The following TBX19 variants were observed in gnomAD, a reference collection of about 807,000 sequenced individuals.
TBX19 encodes T-box transcription factor TBX19.
TBX19 carries 33 observed loss-of-function variants against 40.9 expected under a neutral mutation model. The observed-to-expected ratio is 0.81, with a 90% CI of 0.61 to 1.08. The LOEUF (loss-of-function observed/expected upper bound fraction) is 1.08, where lower values mean the gene tolerates loss of function less well. TBX19 is among the 50% of genes least tolerant of loss of function. The probability of loss-of-function intolerance (pLI) is 0.00; values close to 1 mark genes in which losing one functional copy is unlikely to be tolerated. For missense variants in TBX19, 494 were observed against 574.0 expected (o/e 0.86, Z 1.42); for synonymous variants, 220 against 225.0 (o/e 0.98, Z 0.20).
At chr1:168,294,412 C>T (rs1217360699) in intron 3 of TBX19, among the ~76,000 whole-genome samples, 2 of 152,044 alleles carry the variant, frequency 1.3e-5, no homozygotes, top group African/African-American at 4.8e-5. Flanking sequence ...CAGCTCACTG[C>T]AACCTCTGCC....
chr1:168,284,768 CAAAAAA>C lies in TBX19; in HGVS notation c.203+3495_203+3500del, dbSNP rs146281397. Among the ~76,000 whole-genome samples, 623 of 74,996 alleles carry C rather than the reference CAAAAAA, an allele frequency of 8.3e-3. 6 individuals carry two copies. Among genetic ancestry groups the C allele is most frequent in the African/African-American group, 0.031 (602 of 19,142 alleles). 49.2% of individuals were successfully genotyped at this position (74,996 alleles called of 152,430 possible). A position where few individuals can be genotyped will look rare whatever the true frequency, so the allele number is the denominator to read the frequency against. ...TGGGCAACAGAGTGAGACCGTGTCT[CAAAAAA>C]AAAAAAAAAAAAAAAAAAATCAAAT... On this transcript the variant is annotated intron_variant, in intron 1 of 7. Coordinates refer to ENST00000367821, the MANE Select transcript of TBX19 (RefSeq NM_005149.3).
At chr1:168,285,234 A>G (rs1648775403) in intron 1 of TBX19, among the ~76,000 whole-genome samples, 1 of 148,856 alleles carries the variant, frequency 6.7e-6, no homozygotes, top group Non-Finnish European at 1.5e-5. Context: ...CCTTCACATA[A>G]ATGTCAGCAT....
Position 168,312,972 on chromosome 1 carries a change from G to C in TBX19, c.1317G>C (p.Gly439=). ...GCTGGGGTGGCCCAGGAGCGGGTGG[G>C]CACCATTCTCCTTCCTCACTGGATG... The part of the protein sequence containing the change: ...FAGWGGPGAG[G]HHSPSSLDG The change falls in exon 8 of 8, where the codon GGG becomes GGC. Residue 439 remains glycine (G), a synonymous_variant. Coordinates refer to ENST00000367821, the MANE Select transcript of TBX19 (RefSeq NM_005149.3). The C allele has an allele frequency of 1.2e-6, 2 of 1,614,218 alleles. No individual in the cohort carries two copies. The highest frequency in any genetic ancestry group is 1.7e-6 in the Non-Finnish European group (2 of 1,180,044).
In TBX19 at chr1:168,300,433, G is replaced by A. The variant is rs760665242; in HGVS notation, c.677G>A (p.Arg226Lys). 1.9e-6 allele frequency: 3 copies of A among 1,614,160 alleles called. No homozygotes were observed. The East Asian group carries it at 6.7e-5, about 36-fold the overall frequency. ...CTTTACTCTTTCAGAAATCACCTAA[G>A]AGACGTACCGGAGGCTATCTCTGAG... ...FLDAKERNHL[R>K]DVPEAISESQ... Residue 226 changes from arginine to lysine, a missense_variant, in exon 5 of 8, where the codon AGA (arginine) becomes AAA (lysine). Around this residue, in one of 3 missense-constraint regions of TBX19, gnomAD observed 284 missense variants for 307.3 expected, o/e 0.92. Transcript: ENST00000367821.
At chr1:168,285,617 C>T (rs1273481421) in intron 1 of TBX19, among the ~76,000 whole-genome samples, 1 of 152,202 alleles carries the variant, frequency 6.6e-6, no homozygotes, top group Admixed American at 6.5e-5. Flanking sequence ...TTGAGGAGTG[C>T]TTATTTACCC....
intron 1 of TBX19, among the ~76,000 whole-genome samples, 160 bp downstream of exon 1, chr1:168,281,453 C>T (rs749687926): frequency 6.6e-6 from 1 of 152,190 alleles, no homozygotes; most frequent in Non-Finnish European, 1.5e-5. Flanking sequence ...CTCCAGCCAA[C>T]TTAATTAATT....
chr1:168,281,566 T>A (rs1204644483), intron 1 of TBX19, among the ~76,000 whole-genome samples: 1 of 152,210 alleles, frequency 6.6e-6, no homozygotes, highest in Non-Finnish European at 1.5e-5. Flanking sequence ...CCCATTGGGA[T>A]GGGAAAATGG....
intron 4 of TBX19, among the ~76,000 whole-genome samples, chr1:168,299,223 A>G (rs1649218509): frequency 2.0e-5 from 3 of 151,988 alleles, no homozygotes; most frequent in Non-Finnish European, 2.9e-5. Context: ...CCCAGACTCT[A>G]TGTCTTTTGC....
At chr1:168,300,579 G>A (rs1054696349) in intron 5 of TBX19, 96 bp downstream of exon 5, 1 of 1,175,958 alleles carries the variant, frequency 8.5e-7, no homozygotes. Flanking sequence ...GACTGCTTAA[G>A]GACTTCCAAA....
chr1:168,291,122 C>T lies in TBX19; in HGVS notation c.204-38C>T, dbSNP rs374135303. ...CTGGACAAGGTGAGAGTTCCTCTAACGTCCCTCCTGTGGCTAAGTTTCTGC... is the reference window on the plus strand; with the variant it reads ...CTGGACAAGGTGAGAGTTCCTCTAATGTCCCTCCTGTGGCTAAGTTTCTGC... On this transcript the variant is annotated intron_variant, in intron 1 of 7. Transcript: ENST00000367821. The T allele has an allele frequency of 3.3e-5, 54 of 1,613,430 alleles. No homozygotes were observed. The Middle Eastern group carries it at 5.0e-4, about 15-fold the overall frequency.
At chr1:168,283,417 G>C (rs983910653) in intron 1 of TBX19, among the ~76,000 whole-genome samples, 3 of 152,186 alleles carry the variant, frequency 2.0e-5, no homozygotes, top group Non-Finnish European at 4.4e-5. Context: ...AAGAAGGGAA[G>C]ACAAGTCCAT....
rs3885717 is a variant in TBX19, at chr1:168,313,023, T to A, written c.*21T>A. 685,617 of 1,613,020 alleles carry A rather than the reference T, an allele frequency of 0.43. 147,582 individuals are homozygous for A. Among genetic ancestry groups the A allele is most frequent in the African/African-American group, 0.54 (40,251 of 74,924 alleles). The stretch of plus-strand genomic sequence containing the variant: ...GTTAAGCAGGATCCTAGGAGCCTCT[T>A]TGCACAGCGATCCTTCCATGTGTAG... On this transcript the variant is annotated 3_prime_UTR_variant, in exon 8 of 8. Transcript: ENST00000367821.
intron 3 of TBX19, 175 bp from the exon 4 acceptor site, chr1:168,297,549 G>T: frequency 2.8e-6 from 2 of 703,212 alleles, no homozygotes; most frequent in Middle Eastern, 4.7e-4. Context: ...AGTAAGCAAA[G>T]ATGGAAAGGG....
intron 1 of TBX19, among the ~76,000 whole-genome samples, chr1:168,282,142 C>T (rs1455553510): frequency 1.3e-5 from 2 of 152,148 alleles, no homozygotes; most frequent in Non-Finnish European, 2.9e-5. Context: ...TACACATGGT[C>T]ACAAAAGTAC....
chr1:168,282,796 T>G (rs1257941023), intron 1 of TBX19, among the ~76,000 whole-genome samples: 7 of 152,248 alleles, frequency 4.6e-5, no homozygotes. Context: ...TGGATACTAA[T>G]TACAGTAATA....
chr1:168,311,844 A>G (rs975048296), intron 7 of TBX19, among the ~76,000 whole-genome samples: 1 of 152,136 alleles, frequency 6.6e-6, no homozygotes, highest in Non-Finnish European at 1.5e-5. Flanking sequence ...TGGGAAACTT[A>G]AAAAAATCCT....
rs1157988561 is a variant in TBX19, at chr1:168,298,854, T to C, written c.665+1069T>C. Among the ~76,000 whole-genome samples, 8 of 102,770 alleles carry C rather than the reference T, an allele frequency of 7.8e-5. 1 individual carries two copies. The highest frequency in any genetic ancestry group is 1.1e-4 in the Non-Finnish European group (6 of 54,958). The allele number at this position is 102,770 out of a possible 152,430, so 67.4% of individuals were successfully genotyped here. A position where few individuals can be genotyped will look rare whatever the true frequency, so the allele number is the denominator to read the frequency against. ...TTCTTTCTTTCTTTCTTTCTTTCTT[T>C]CTTTCTTTCTTTCTTTCTTTCTTTC... is the stretch of plus-strand genomic sequence containing the variant. On this transcript the variant is annotated intron_variant, in intron 4 of 7. Coordinates refer to ENST00000367821, the MANE Select transcript of TBX19 (RefSeq NM_005149.3).
At position 168,291,243 on chromosome 1, in the gene TBX19, C is replaced by T. The variant is rs138884950; in HGVS notation, c.287C>T (p.Thr96Met). The part of the protein sequence containing the change: ...MYSLLLDFVP[T>M]DSHRWKYVNG... ...TCCCTCCTGCTGGACTTTGTCCCTA[C>T]GGACAGTCACCGCTGGAAGTACGTC... The change falls in exon 2 of 8, where the codon ACG (threonine) becomes ATG (methionine). Residue 96 changes from threonine to methionine, a missense_variant. Coordinates refer to ENST00000367821, the MANE Select transcript of TBX19 (RefSeq NM_005149.3). 1.7e-4 allele frequency: 267 copies of T among 1,614,118 alleles called. 1 individual carries two copies. Among genetic ancestry groups the T allele is most frequent in the Middle Eastern group, 4.9e-4 (3 of 6,084 alleles).
At chr1:168,310,084 C>G (rs1649486602) in intron 7 of TBX19, among the ~76,000 whole-genome samples, 1 of 152,052 alleles carries the variant, frequency 6.6e-6, no homozygotes, top group African/African-American at 2.4e-5. Context: ...GGTAGATCCC[C>G]TCAAGTCAGG....
Sources: gnomAD v4.1 joint callset for allele counts (sites outside exome capture counted in the v4.1 genomes callset) on GRCh38, gnomAD v4.1.1 for gene constraint, gnomAD v4.1.1 regional missense constraint, MANE v1.5 for transcripts, NCBI Gene and HGNC (gene_info 2026-07-23, HGNC 2026-07-21) for gene names.